Variants in YIPF4 observed in about 807,000 individuals in gnomAD.
YIPF4 encodes protein YIPF4.
A neutral mutation model predicts 29.4 loss-of-function variants in YIPF4; 18 were observed. The ratio of observed to expected loss-of-function variants is 0.61; its 90% confidence interval spans 0.42 to 0.91. YIPF4 has a LOEUF of 0.91. Ranked by LOEUF, YIPF4 falls within the 40% of genes least tolerant of loss-of-function variation. YIPF4 has a pLI of 0.00. For synonymous variants in YIPF4, 115 were observed against 104.7 expected (o/e 1.10, Z -0.60); for missense variants, 279 against 282.7 (o/e 0.99, Z 0.09).
At chr2:32,287,302 A>G (rs1387370468) in intron 1 of YIPF4, among the ~76,000 whole-genome samples, 1 of 152,200 alleles carries the variant, frequency 6.6e-6, no homozygotes, top group Non-Finnish European at 1.5e-5. Flanking sequence ...AATATCTTTT[A>G]GTGCAAAAAC....
chr2:32,294,433 G>A (rs577657853), intron 3 of YIPF4, among the ~76,000 whole-genome samples: 5 of 152,042 alleles, frequency 3.3e-5, no homozygotes, highest in East Asian at 1.9e-4. Flanking sequence ...CAGACGGGGC[G>A]GCGGGGCAAA....
At chr2:32,304,669 G>A (rs1010093242) in intron 5 of YIPF4, among the ~76,000 whole-genome samples, 1 of 152,154 alleles carries the variant, frequency 6.6e-6, no homozygotes, top group Non-Finnish European at 1.5e-5. Context: ...CAGCCAAGAA[G>A]TACGCAGCCT....
At chr2:32,293,823 G>T (rs1165831547) in intron 3 of YIPF4, among the ~76,000 whole-genome samples, 2 of 148,702 alleles carry the variant, frequency 1.3e-5, no homozygotes, top group Non-Finnish European at 3.0e-5. Context: ...CCCGGACGGG[G>T]CGGCTGGCCA....
At chr2:32,300,391 G>A (rs576678726) in intron 4 of YIPF4, among the ~76,000 whole-genome samples, 4 of 149,434 alleles carry the variant, frequency 2.7e-5, no homozygotes, top group East Asian at 3.9e-4. Context: ...CCGAGATCGC[G>A]CCACTGCACT....
chr2:32,297,665 A>G (rs923185083), intron 3 of YIPF4, among the ~76,000 whole-genome samples: 2 of 151,978 alleles, frequency 1.3e-5, no homozygotes, highest in East Asian at 3.9e-4. Context: ...AAATAAATAC[A>G]TAAATAAAAT....
chr2:32,287,261 T>C (rs2030716691), intron 1 of YIPF4, among the ~76,000 whole-genome samples: 1 of 152,086 alleles, frequency 6.6e-6, no homozygotes, highest in South Asian at 2.1e-4. Context: ...AATGGTATCC[T>C]TATAACTCAA....
rs2031609766 is a variant in YIPF4, at chr2:32,307,216, A to G, written c.*1590A>G. The G allele has an allele frequency of 9.2e-7, 1 of 1,083,128 alleles. No homozygotes were observed. Among genetic ancestry groups the G allele is most frequent in the East Asian group, 6.4e-5 (1 of 15,746 alleles). The allele number at this position is 1,083,128 out of a possible 1,614,324, so 67.1% of individuals were successfully genotyped here. On this transcript the variant is annotated 3_prime_UTR_variant, in exon 6 of 6. Coordinates refer to ENST00000238831, the MANE Select transcript of YIPF4 (RefSeq NM_032312.4). ...GTAAGATAAACATTTGTTACACTTA[A>G]GAAATTGCTGAGGTTAATACTTTGT...
At position 32,284,609 on chromosome 2, in the gene YIPF4, A is replaced by G. The variant is rs1249137453; in HGVS notation, c.80-5874A>G. Among the ~76,000 whole-genome samples, 6 of 152,296 alleles carry G rather than the reference A, an allele frequency of 3.9e-5. No homozygotes were observed. In the East Asian group the frequency reaches 9.6e-4, roughly 24 times the overall value. On this transcript the variant is annotated intron_variant, in intron 1 of 5. Coordinates refer to ENST00000238831, the MANE Select transcript of YIPF4 (RefSeq NM_032312.4). ...TAAGTTTCCTAAGGCATACCCAGCC[A>G]TGCTTCCTGTAGAGCCTGTGGAACT...
chr2:32,283,510 T>C (rs1388158080), intron 1 of YIPF4, among the ~76,000 whole-genome samples: 1 of 152,192 alleles, frequency 6.6e-6, no homozygotes, highest in Non-Finnish European at 1.5e-5. Context: ...ATCATCATGC[T>C]TAGAATGTCT....
intron 3 of YIPF4, 82 bp from the exon 4 acceptor site, chr2:32,298,152 T>G (rs2031264709): frequency 8.9e-7 from 1 of 1,118,432 alleles, no homozygotes; most frequent in South Asian, 1.3e-5. Flanking sequence ...TAAACTGTCA[T>G]TTATGGCAGA....
rs148675009 is a variant in YIPF4, at chr2:32,295,484, G to A, written c.406-2750G>A. 4.5e-3 allele frequency among the ~76,000 whole-genome samples: 693 copies of A among 152,316 alleles called. 21 individuals are homozygous for A. The highest frequency in any genetic ancestry group is 0.04 in the Admixed American group (619 of 15,296). ...CTGTGGAAGCTCCAGGGCAGAATCT[G>A]TTGCTTGTTTCTTTCACTTCCAGAG... is the stretch of plus-strand genomic sequence containing the variant. On this transcript the variant is annotated intron_variant, in intron 3 of 5. Transcript: ENST00000238831.
At position 32,300,434 on chromosome 2, in the gene YIPF4, TAAAAAAAAAAA is replaced by T. The variant is rs78248257; in HGVS notation, c.484-937_484-927del. Among the ~76,000 whole-genome samples, 1,200 of 120,654 alleles carry T rather than the reference TAAAAAAAAAAA, an allele frequency of 9.9e-3. 12 individuals are homozygous for T. Among genetic ancestry groups the T allele is most frequent in the African/African-American group, 0.035 (1,134 of 32,808 alleles). 79.2% of individuals were successfully genotyped at this position (120,654 alleles called of 152,430 possible). A position where few individuals can be genotyped will look rare whatever the true frequency, so the allele number is the denominator to read the frequency against. On this transcript the variant is annotated intron_variant, in intron 4 of 5. Transcript: ENST00000238831. ...GGGCGACAGAGGAGGACTCCGTCTT[TAAAAAAAAAAA>T]AAAAAAAAAAGAGTTTCTTTTATCC...
intron 5 of YIPF4, among the ~76,000 whole-genome samples, chr2:32,303,751 C>T (rs551024793): frequency 6.6e-6 from 1 of 152,300 alleles, no homozygotes; most frequent in African/African-American, 2.4e-5. Context: ...ACTAAAGATA[C>T]CTTGTTTTCC....
rs867503435 is a variant in YIPF4 at position 32,294,742 on chromosome 2, C to T, written c.405+2394C>T. Among the ~76,000 whole-genome samples the T allele has an allele frequency of 6.0e-4, 92 of 152,204 alleles. 1 individual carries two copies. The highest frequency in any genetic ancestry group is 2.1e-3 in the African/African-American group (89 of 41,462). The stretch of plus-strand genomic sequence containing the variant: ...GCTGGGAGGTGGAGGTTGTAGCGAG[C>T]CGAGATCACGCCACTGCACTCCAGC... On this transcript the variant is annotated intron_variant, in intron 3 of 5. Coordinates refer to ENST00000238831, the MANE Select transcript of YIPF4 (RefSeq NM_032312.4).
intron 5 of YIPF4, among the ~76,000 whole-genome samples, chr2:32,304,122 A>AT (rs1429313194): frequency 6.6e-6 from 1 of 152,068 alleles, no homozygotes; most frequent in African/African-American, 2.4e-5. Flanking sequence ...CTTTGCCAAA[A>AT]TTTTTTTCCT....
At chr2:32,293,236 G>C (rs528320724) in intron 3 of YIPF4, among the ~76,000 whole-genome samples, 1 of 152,028 alleles carries the variant, frequency 6.6e-6, no homozygotes, top group Non-Finnish European at 1.5e-5. Flanking sequence ...AGGACCCTGC[G>C]GCCTTCTGCA....
rs1277524377 is a variant in YIPF4 at position 32,314,019 on chromosome 2, C to G, written c.*8393C>G. 1.3e-5 allele frequency: 2 copies of G among 152,072 alleles called. No homozygotes were observed. The highest frequency in any genetic ancestry group is 4.8e-5 in the African/African-American group (2 of 41,412). The allele number at this position is 152,072 out of a possible 1,614,324, so 9.4% of individuals were successfully genotyped here. On this transcript the variant is annotated 3_prime_UTR_variant, in exon 6 of 6. Transcript: ENST00000238831. ...AGAAACGTGCTTTTAATACTAAAGG[C>G]CAAGATATGCAATTATACTCTTGAC...
At chr2:32,292,646 G>A (rs1199206085) in intron 3 of YIPF4, among the ~76,000 whole-genome samples, 2 of 151,490 alleles carry the variant, frequency 1.3e-5, no homozygotes, top group Admixed American at 1.3e-4. Context: ...GTGGATCACG[G>A]GGTCAGGAGA....
chr2:32,297,961 CT>C (rs36079020), intron 3 of YIPF4, among the ~76,000 whole-genome samples: 4 of 151,052 alleles, frequency 2.6e-5, no homozygotes, highest in African/African-American at 7.3e-5. Context: ...ATAGTAAACA[CT>C]TTTTTTTTGC....
Sources: gnomAD v4.1 joint callset for allele counts (sites outside exome capture counted in the v4.1 genomes callset) on GRCh38, gnomAD v4.1.1 for gene constraint, MANE v1.5 for transcripts, NCBI Gene and HGNC (gene_info 2026-07-23, HGNC 2026-07-21) for gene names.